The following ZMAT4 variants were observed in gnomAD, a reference collection of about 807,000 sequenced individuals.
ZMAT4 encodes the protein zinc finger matrin-type protein 4.
Under a neutral mutation model 28.7 loss-of-function variants are expected in ZMAT4, and 17 were observed. The ratio of observed to expected loss-of-function variants is 0.59; its 90% confidence interval spans 0.41 to 0.89. ZMAT4 has a LOEUF of 0.89. ZMAT4 is among the 40% of genes least tolerant of loss of function. The pLI is 0.00. For synonymous variants in ZMAT4, 117 were observed against 109.2 expected (o/e 1.07, Z -0.44); for missense variants, 240 against 283.8 (o/e 0.85, Z 1.11).
intron 2 of ZMAT4, among the ~76,000 whole-genome samples, chr8:40,789,500 A>G (rs1814235581): frequency 6.6e-6 from 1 of 152,220 alleles, no homozygotes; most frequent in Non-Finnish European, 1.5e-5. Flanking sequence ...TAGATAACAC[A>G]ACAGGGTGAC....
intron 5 of ZMAT4, among the ~76,000 whole-genome samples, chr8:40,608,002 G>A (rs565798034): frequency 1.3e-5 from 2 of 152,158 alleles, no homozygotes; most frequent in South Asian, 4.2e-4. Flanking sequence ...GTCTTATGTT[G>A]GTTGGCCTTC....
intron 6 of ZMAT4, among the ~76,000 whole-genome samples, chr8:40,556,099 C>T (rs966717759): frequency 1.3e-5 from 2 of 152,140 alleles, no homozygotes; most frequent in Admixed American, 6.6e-5. Context: ...CTCCTTCCTC[C>T]CACACTTACA....
At chr8:40,884,294 C>T (rs567055218) in intron 1 of ZMAT4, among the ~76,000 whole-genome samples, 3 of 152,228 alleles carry the variant, frequency 2.0e-5, no homozygotes, top group South Asian at 2.1e-4. Context: ...TTCTCACCTC[C>T]GCCCCCACCC....
At chr8:40,719,033 G>C (rs963471299) in intron 3 of ZMAT4, among the ~76,000 whole-genome samples, 1 of 152,184 alleles carries the variant, frequency 6.6e-6, no homozygotes, top group Admixed American at 6.5e-5. Flanking sequence ...TGCTCACTCA[G>C]ATGAGAACCG....
chr8:40,675,465 T>C (rs1221743203), intron 4 of ZMAT4, among the ~76,000 whole-genome samples: 3 of 152,356 alleles, frequency 2.0e-5, no homozygotes, highest in Admixed American at 6.5e-5. Flanking sequence ...AATAAGCCTA[T>C]TGTAATTGCC....
intron 5 of ZMAT4, among the ~76,000 whole-genome samples, chr8:40,657,041 C>T (rs1452504409): frequency 6.6e-6 from 1 of 152,000 alleles, no homozygotes; most frequent in Non-Finnish European, 1.5e-5. Context: ...TATTTATTTA[C>T]TTATTTTGAG....
At chr8:40,733,842 T>A (rs1215657055) in intron 3 of ZMAT4, among the ~76,000 whole-genome samples, 1 of 152,092 alleles carries the variant, frequency 6.6e-6, no homozygotes, top group Non-Finnish European at 1.5e-5. Flanking sequence ...TTGCCATGAA[T>A]CCCCATGGTA....
intron 5 of ZMAT4, among the ~76,000 whole-genome samples, chr8:40,601,433 G>A (rs530177798): frequency 8.4e-5 from 11 of 130,278 alleles, no homozygotes; most frequent in East Asian, 2.4e-4. Flanking sequence ...AGGAAGGAAG[G>A]AAGGAAGGAA....
At chr8:40,653,152 A>G (rs1029843078) in intron 5 of ZMAT4, among the ~76,000 whole-genome samples, 24 of 152,128 alleles carry the variant, frequency 1.6e-4, no homozygotes, top group African/African-American at 5.5e-4. Flanking sequence ...CTCTTAAATA[A>G]CCAATAGATC....
chr8:40,707,097 C>T (rs1810390066), intron 3 of ZMAT4, among the ~76,000 whole-genome samples: 1 of 152,018 alleles, frequency 6.6e-6, no homozygotes, highest in Admixed American at 6.6e-5. Flanking sequence ...AGAAATGCCC[C>T]GTCTCTCTAT....
At chr8:40,700,875 CTTT>C (rs1235787043) in intron 3 of ZMAT4, among the ~76,000 whole-genome samples, 1 of 152,170 alleles carries the variant, frequency 6.6e-6, no homozygotes, top group Non-Finnish European at 1.5e-5. Flanking sequence ...GGCAAAACTT[CTTT>C]AAGGTCTAGG....
chr8:40,845,776 TAAAAAAAA>T (rs71224858), intron 1 of ZMAT4, among the ~76,000 whole-genome samples: 8 of 129,622 alleles, frequency 6.2e-5, no homozygotes, highest in Admixed American at 7.6e-5. Flanking sequence ...ACTTAGTAGT[TAAAAAAAA>T]AAAAAAAAAA....
chr8:40,774,857 C>T (rs992556795), intron 2 of ZMAT4, among the ~76,000 whole-genome samples: 4 of 152,132 alleles, frequency 2.6e-5, no homozygotes, highest in Non-Finnish European at 4.4e-5. Context: ...CTTATTAATG[C>T]TTTTTTGAAA....
chr8:40,536,845 G>T (rs1037504698), intron 6 of ZMAT4, among the ~76,000 whole-genome samples: 2 of 151,992 alleles, frequency 1.3e-5, no homozygotes, highest in East Asian at 3.9e-4. Context: ...TTAAGACAAG[G>T]GGCACAAGGT....
chr8:40,661,260 CG>C (rs1305725765), intron 5 of ZMAT4, among the ~76,000 whole-genome samples: 1 of 152,108 alleles, frequency 6.6e-6, no homozygotes, highest in Non-Finnish European at 1.5e-5. Context: ...ACACTATACC[CG>C]GCTAATTTTT....
At chr8:40,574,663 T>G (rs2118520283) in intron 6 of ZMAT4, among the ~76,000 whole-genome samples, 1 of 152,264 alleles carries the variant, frequency 6.6e-6, no homozygotes, top group Admixed American at 6.5e-5. Context: ...AGCACAAAAG[T>G]CCAGCATAGA....
chr8:40,593,706 C>T (rs1033563212), intron 5 of ZMAT4, among the ~76,000 whole-genome samples: 8 of 152,172 alleles, frequency 5.3e-5, no homozygotes, highest in African/African-American at 1.7e-4. Context: ...GACGTTGAGT[C>T]GTTAAAAGAA....
At chr8:40,582,552 G>T (rs1446521603) in intron 5 of ZMAT4, among the ~76,000 whole-genome samples, 1 of 152,070 alleles carries the variant, frequency 6.6e-6, no homozygotes, top group Admixed American at 6.6e-5. Context: ...TTCTGTTCTA[G>T]CATTGTAAAT....
intron 5 of ZMAT4, among the ~76,000 whole-genome samples, chr8:40,586,772 T>C (rs1376921079): frequency 6.6e-6 from 1 of 152,144 alleles, no homozygotes; most frequent in Non-Finnish European, 1.5e-5. Context: ...CTGAATGCTA[T>C]GAATATGGGA....
Sources: gnomAD v4.1 joint callset for allele counts (sites outside exome capture counted in the v4.1 genomes callset) on GRCh38, gnomAD v4.1.1 for gene constraint, MANE v1.5 for transcripts, NCBI Gene and HGNC (gene_info 2026-07-23, HGNC 2026-07-21) for gene names.